The following ADRA1A variants were observed in gnomAD, a reference collection of about 807,000 sequenced individuals.
ADRA1A encodes alpha-1A adrenergic receptor.
A neutral mutation model predicts 29.6 loss-of-function variants in ADRA1A; 31 were observed. That is an observed-to-expected ratio of 1.05 (90% CI 0.79 to 1.41). ADRA1A has a LOEUF of 1.41. Among genes scored for constraint, ADRA1A ranks in the 40% most tolerant of loss-of-function variants. The probability of loss-of-function intolerance (pLI) is 0.00; values close to 1 mark genes in which losing one functional copy is unlikely to be tolerated. For synonymous variants in ADRA1A, 311 were observed against 254.3 expected (o/e 1.22, Z -2.12); for missense variants, 619 against 601.1 (o/e 1.03, Z -0.31).
At chr8:26,859,267 AC>A in intron 2 of ADRA1A, 1 of 1,085,660 alleles carries the variant, frequency 9.2e-7, no homozygotes, top group Non-Finnish European at 1.2e-6. Context: ...TGAAAAACAT[AC>A]TTAAGACAGT....
At chr8:26,779,162 G>C (rs1026426085) in intron 2 of ADRA1A, 1 of 598,880 alleles carries the variant, frequency 1.7e-6, no homozygotes, top group African/African-American at 1.9e-5. Context: ...CCAATGGTAG[G>C]AGACCAGGTT....
rs737045 is a variant in ADRA1A at position 26,866,560 on chromosome 8, G to A, written c.-687+376C>T. ...AACTGCGAACCTACCGCAGGGACTC[G>A]GCAGGACAGCGCGGCGTGAGGAAGT... On this transcript the variant is annotated intron_variant, in intron 1 of 2. Coordinates refer to ENST00000380573, the MANE Select transcript of ADRA1A (RefSeq NM_000680.4). This position sits in a 1 kb window ranked among gnomAD's most constrained non-coding sequence, Gnocchi z 5.7. Among the ~76,000 whole-genome samples the A allele has an allele frequency of 0.042, 6,401 of 152,246 alleles. 202 individuals are homozygous for A. Among genetic ancestry groups the A allele is most frequent in the East Asian group, 0.091 (467 of 5,148 alleles).
intron 2 of ADRA1A, among the ~76,000 whole-genome samples, chr8:26,863,679 G>C (rs1813645816): frequency 6.6e-6 from 1 of 152,108 alleles, no homozygotes; most frequent in South Asian, 2.1e-4. Flanking sequence ...TTATTTTCAG[G>C]CCAAGAGAAT....
intron 2 of ADRA1A, among the ~76,000 whole-genome samples, chr8:26,774,810 C>T (rs2130309892): frequency 6.6e-6 from 1 of 152,300 alleles, no homozygotes; most frequent in Admixed American, 6.5e-5. Flanking sequence ...CTGCATGGCC[C>T]CAAACCCTCC....
rs760100889 is a variant in ADRA1A, at chr8:26,864,913, T to A, written c.57A>T (p.Ala19=). 3 of 1,613,280 alleles carry A rather than the reference T, an allele frequency of 1.9e-6. No homozygotes were observed. The highest frequency in any genetic ancestry group is 2.5e-6 in the Non-Finnish European group (3 of 1,179,960). The change falls in exon 2 of 3, where the codon GCA becomes GCT. Residue 19 remains alanine (A), a synonymous_variant. Transcript: ENST00000380573. The surrounding 1 kb of genome is among the most constrained non-coding windows in gnomAD (Gnocchi z 8.1). ...SDSSNCTQPP[A]PVNISKAILL... ...GAATGGCCTTGGAAATGTTCACCGG[T>A]GCCGGCGGTTGGGTGCAGTTGGAGC...
intron 2 of ADRA1A, among the ~76,000 whole-genome samples, chr8:26,816,533 A>ATGTG (rs59536491): frequency 0.11 from 16,774 of 147,508 alleles, 1,055 homozygotes; most frequent in Middle Eastern, 0.19. Context: ...CTCATGGTGT[A>ATGTG]TGTGTGTGTG....
Position 26,770,174 on chromosome 8 carries a change from A to C in ADRA1A, c.1376T>G (p.Leu459Arg). The C allele has an allele frequency of 6.4e-7, 1 of 1,566,424 alleles. No homozygotes were observed. Among genetic ancestry groups the C allele is most frequent in the South Asian group, 1.2e-5 (1 of 82,258 alleles). The change falls in exon 3 of 3, where the codon CTC becomes CGC. Residue 459 changes from leucine (L) to arginine (R), a missense_variant. Leu to Arg is a moderately radical substitution (Grantham distance 102, BLOSUM62 -2). Coordinates refer to ENST00000380573, the MANE Select transcript of ADRA1A (RefSeq NM_000680.4). ...CTAGACTTCCTCCCCGTTCTCACTG[A>C]GGGAGATGGTGTGGACCTTAATGGT... The part of the protein sequence containing the change: ...VPTIKVHTIS[L>R]SENGEEV
rs1419619787 is a variant in ADRA1A, at chr8:26,866,401, G to C, written c.-687+535C>G. The stretch of plus-strand genomic sequence containing the variant: ...GGGGTGGGGAGGACGTCCCTCTGCA[G>C]AGGGAGCTTTGCAAGTGACAGTCAC... On this transcript the variant is annotated intron_variant, in intron 1 of 2. Coordinates refer to ENST00000380573, the MANE Select transcript of ADRA1A (RefSeq NM_000680.4). This position sits in a 1 kb window ranked among gnomAD's most constrained non-coding sequence, Gnocchi z 5.7. 2.0e-5 allele frequency among the ~76,000 whole-genome samples: 3 copies of C among 152,314 alleles called. No homozygotes were observed. The highest frequency in any genetic ancestry group is 4.4e-5 in the Non-Finnish European group (3 of 68,024).
intron 2 of ADRA1A, among the ~76,000 whole-genome samples, chr8:26,750,076 T>G (rs766134421): frequency 6.6e-6 from 1 of 152,232 alleles, no homozygotes; most frequent in Non-Finnish European, 1.5e-5. Context: ...GGCTGGGAAG[T>G]TCAAAAGCAA....
chr8:26,817,025 A>G (rs758124655), intron 2 of ADRA1A, among the ~76,000 whole-genome samples: 4 of 152,258 alleles, frequency 2.6e-5, no homozygotes, highest in Non-Finnish European at 4.4e-5. Context: ...CCATAAAAGA[A>G]AGAAGATAAA....
intron 2 of ADRA1A, among the ~76,000 whole-genome samples, chr8:26,828,341 T>G (rs569405648): frequency 5.3e-5 from 8 of 152,180 alleles, no homozygotes; most frequent in Admixed American, 1.3e-4. Context: ...CTCCTACTCA[T>G]CCATGGTTAC....
At chr8:26,772,447 C>T (rs560376972) in intron 2 of ADRA1A, among the ~76,000 whole-genome samples, 8 of 152,278 alleles carry the variant, frequency 5.3e-5, no homozygotes, top group Middle Eastern at 6.8e-3. Context: ...TCCTTCTCCG[C>T]GGGCTTTTAG....
intron 2 of ADRA1A, among the ~76,000 whole-genome samples, chr8:26,791,476 G>A (rs544394773): frequency 1.3e-5 from 2 of 152,252 alleles, no homozygotes; most frequent in South Asian, 4.1e-4. Context: ...AGTAAATTAT[G>A]AGTGCCCACT....
Position 26,784,995 on chromosome 8 carries a change from A to C in ADRA1A, c.884-14329T>G, listed in dbSNP as rs192962727. Among the ~76,000 whole-genome samples the C allele has an allele frequency of 1.7e-4, 26 of 152,324 alleles. No individual in the cohort carries two copies. The East Asian group carries it at 4.2e-3, about 25-fold the overall frequency. Reference sequence around the variant, plus strand: ...AAGTACCACACAGCATCCTATTAAAATACTCTTTAGGGGACATTTAAATCC... The same window carrying C: ...AAGTACCACACAGCATCCTATTAAACTACTCTTTAGGGGACATTTAAATCC... On this transcript the variant is annotated intron_variant, in intron 2 of 2. Coordinates refer to ENST00000380573, the MANE Select transcript of ADRA1A (RefSeq NM_000680.4).
chr8:26,849,860 G>A (rs1356229681), intron 2 of ADRA1A, among the ~76,000 whole-genome samples: 1 of 152,006 alleles, frequency 6.6e-6, no homozygotes, highest in African/African-American at 2.4e-5. Flanking sequence ...ACAAGTGTAG[G>A]GGGTGACGAA....
chr8:26,807,204 GCAAGC>G lies in ADRA1A; in HGVS notation c.884-36543_884-36539del, dbSNP rs1809058118. Among the ~76,000 whole-genome samples, 3 of 152,252 alleles carry G rather than the reference GCAAGC, an allele frequency of 2.0e-5. No homozygotes were observed. The South Asian group carries it at 6.2e-4, about 32-fold the overall frequency. On this transcript the variant is annotated intron_variant, in intron 2 of 2. Coordinates refer to ENST00000380573, the MANE Select transcript of ADRA1A (RefSeq NM_000680.4). ...AAAAGGAATTAGCTTTGGGCCCTGG[GCAAGC>G]CACTGAGCTCTGCTAGTCTCCCCTT...
chr8:26,784,138 A>G (rs58055988), intron 2 of ADRA1A, among the ~76,000 whole-genome samples: 11,888 of 152,278 alleles, frequency 0.078, 504 homozygotes, highest in African/African-American at 0.13. Flanking sequence ...TTACCTATGT[A>G]ACAAATCTGC....
chr8:26,765,521 A>G (rs562967825), downstream of ADRA1A, among the ~76,000 whole-genome samples: 4 of 152,352 alleles, frequency 2.6e-5, no homozygotes, highest in South Asian at 6.2e-4. Context: ...GGGCAGGTGC[A>G]AACAGTGTTC....
At chr8:26,857,708 T>C (rs140244795) in intron 2 of ADRA1A, among the ~76,000 whole-genome samples, 13 of 152,292 alleles carry the variant, frequency 8.5e-5, no homozygotes, top group African/African-American at 3.1e-4. Context: ...CTAGTTTTTC[T>C]TCACACCATT....
Sources: allele counts gnomAD v4.1 joint callset (sites outside exome capture counted in the v4.1 genomes callset), GRCh38; gene constraint gnomAD v4.1.1; non-coding constraint Gnocchi (gnomAD v3.1); transcripts MANE v1.5; gene names NCBI Gene and HGNC (gene_info 2026-07-23, HGNC 2026-07-21).